Variants in CDH1 observed in about 807,000 individuals in gnomAD.
CDH1 encodes the protein cadherin 1.
In CDH1, 35 loss-of-function variants were observed where a neutral mutation model predicts 84.5. The ratio of observed to expected loss-of-function variants is 0.41; its 90% CI spans 0.32 to 0.55. The LOEUF (loss-of-function observed/expected upper bound fraction) is 0.55. Ranked by LOEUF, CDH1 falls within the 20% of genes least tolerant of loss-of-function variation. The pLI, the probability that CDH1 is intolerant of heterozygous loss-of-function variation, is 0.19. For synonymous variants in CDH1, 417 were observed against 439.0 expected, an observed-to-expected ratio of 0.95 and a Z score of 0.63; for missense variants, 994 against 1,126.6, an observed-to-expected ratio of 0.88 and a Z score of 1.68.
intron 2 of CDH1, among the ~76,000 whole-genome samples, chr16:68,756,505 A>T (rs988831852): frequency 6.6e-6 from 1 of 152,150 alleles, no homozygotes; most frequent in African/African-American, 2.4e-5. Context: ...CTTACTCATA[A>T]GTCCCAGGAG....
intron 2 of CDH1, among the ~76,000 whole-genome samples, chr16:68,777,057 T>C (rs1342987884): frequency 1.3e-5 from 2 of 152,204 alleles, no homozygotes; most frequent in African/African-American, 4.8e-5. Flanking sequence ...AAATGCAACA[T>C]TGGTGCCTCT....
At position 68,808,731 on chromosome 16, in the gene CDH1, C is replaced by T. The variant is rs761753486; in HGVS notation, c.570C>T (p.Tyr190=). 1.4e-5 allele frequency: 23 copies of T among 1,614,040 alleles called. No homozygotes were observed. The Admixed American group carries it at 3.7e-4, about 26-fold the overall frequency. The change falls in exon 5 of 16, where the codon TAC becomes TAT. Residue 190 remains tyrosine (Y), a synonymous_variant. Coordinates refer to ENST00000261769, the MANE Select transcript of CDH1 (RefSeq NM_004360.5). Reference sequence around the variant, plus strand: ...AAGACAAAGAAGGCAAGGTTTTCTACAGCATCACTGGCCAAGGAGCTGACA... The same window carrying T: ...AAGACAAAGAAGGCAAGGTTTTCTATAGCATCACTGGCCAAGGAGCTGACA... ...SNKDKEGKVF[Y]SITGQGADTP...
At position 68,737,584 on chromosome 16, in the gene CDH1, G is replaced by A. The variant is rs1005369635; in HGVS notation, c.48+121G>A. 5.4e-6 allele frequency: 5 copies of A among 929,742 alleles called. No individual in the cohort carries two copies. The African/African-American group carries it at 6.7e-5, about 12-fold the overall frequency. The allele number at this position is 929,742 out of a possible 1,614,324, so 57.6% of individuals were successfully genotyped here. On this transcript the variant is annotated intron_variant, in intron 1 of 15. Coordinates refer to ENST00000261769, the MANE Select transcript of CDH1 (RefSeq NM_004360.5). ...CTTCTTCCAAGAAAGTTCGGGTCCT[G>A]AGGAGCGGAGCGGCCTGGAAGCCTC...
intron 12 of CDH1, chr16:68,823,090 G>T: frequency 2.8e-6 from 1 of 351,124 alleles, no homozygotes; most frequent in South Asian, 3.2e-5. Context: ...TTCACCCTCA[G>T]GCACACGGGA....
chr16:68,761,964 G>T (rs1959233127), intron 2 of CDH1, among the ~76,000 whole-genome samples: 2 of 152,188 alleles, frequency 1.3e-5, no homozygotes, highest in South Asian at 4.1e-4. Flanking sequence ...AGATCCACCG[G>T]CTGCCTCCTC....
At chr16:68,760,111 T>C (rs1263852632) in intron 2 of CDH1, among the ~76,000 whole-genome samples, 20 of 147,858 alleles carry the variant, frequency 1.4e-4, no homozygotes, top group African/African-American at 4.2e-4. Context: ...TTAATTTTTT[T>C]TTTTTGAGAT....
rs59787912 is a variant in CDH1 at position 68,821,357 on chromosome 16, C to T, written c.1712-644C>T. On this transcript the variant is annotated intron_variant, in intron 11 of 15. Transcript: ENST00000261769. ...AAGCATGGTGGCATGCGCCTGTAGT[C>T]TCAGCTACTAGGGAGGCAGAGGTGG... Among the ~76,000 whole-genome samples the T allele has an allele frequency of 2.6e-5, 4 of 151,896 alleles. No individual in the cohort carries two copies. In the East Asian group the frequency reaches 7.7e-4, roughly 29 times the overall value.
chr16:68,754,428 A>G (rs76590542), intron 2 of CDH1, among the ~76,000 whole-genome samples: 7,356 of 152,216 alleles, frequency 0.048, 249 homozygotes, highest in Non-Finnish European at 0.073. Flanking sequence ...AAAGAAAAGT[A>G]TTTGTTGTTG....
chr16:68,799,618 G>T (rs905780757), intron 2 of CDH1, among the ~76,000 whole-genome samples: 4 of 152,034 alleles, frequency 2.6e-5, no homozygotes, highest in African/African-American at 9.7e-5. Context: ...ATTCAGGTTG[G>T]GGCTCCCTCT....
In CDH1 at chr16:68,829,680, G is replaced by A. The variant is rs150734856; in HGVS notation, c.2322G>A (p.Arg774=). The A allele has an allele frequency of 6.2e-6, 10 of 1,613,948 alleles. No individual in the cohort carries two copies. Among genetic ancestry groups the A allele is most frequent in the Non-Finnish European group, 8.5e-6 (10 of 1,180,024 alleles). Residue 774 remains arginine (R), a synonymous_variant, in exon 15 of 16, where the codon AGG becomes AGA. Coordinates refer to ENST00000261769, the MANE Select transcript of CDH1 (RefSeq NM_004360.5). ...DQDFDLSQLH[R]GLDARPEVTR... is the part of the protein sequence containing the mutation. ...ACTTTGACTTGAGCCAGCTGCACAG[G>A]GGCCTGGACGCTCGGCCTGAAGTGA...
chr16:68,793,987 G>T (rs1960284079), intron 2 of CDH1, among the ~76,000 whole-genome samples: 1 of 150,922 alleles, frequency 6.6e-6, no homozygotes, highest in Admixed American at 6.6e-5. Context: ...ACACAGGACT[G>T]CTCTATCTAA....
At chr16:68,743,194 A>G (rs887746424) in intron 2 of CDH1, among the ~76,000 whole-genome samples, 2 of 152,170 alleles carry the variant, frequency 1.3e-5, no homozygotes, top group African/African-American at 4.8e-5. Context: ...CAGATACGCC[A>G]GAGGCTGAAG....
At chr16:68,749,557 G>C (rs1173411515) in intron 2 of CDH1, among the ~76,000 whole-genome samples, 1 of 152,208 alleles carries the variant, frequency 6.6e-6, no homozygotes, top group Non-Finnish European at 1.5e-5. Context: ...ACAACTATTT[G>C]TGTCCATTTG....
intron 2 of CDH1, chr16:68,771,023 A>C (rs1801038732): frequency 6.6e-6 from 1 of 150,466 alleles, no homozygotes; most frequent in Non-Finnish European, 1.5e-5. Context: ...CCAGTGGAGG[A>C]GGCTCTCCCG....
At chr16:68,817,444 G>T (rs909575285) in intron 10 of CDH1, among the ~76,000 whole-genome samples, 1 of 152,222 alleles carries the variant, frequency 6.6e-6, no homozygotes, top group South Asian at 2.1e-4. Context: ...AATCCATTGG[G>T]TGAAAATTAG....
chr16:68,778,079 G>A (rs866480887), intron 2 of CDH1, among the ~76,000 whole-genome samples: 5 of 138,804 alleles, frequency 3.6e-5, no homozygotes, highest in Admixed American at 7.1e-5. Context: ...ACGGAATCTC[G>A]CTCTGTTGCC....
chr16:68,755,282 C>CAAATAAAA (rs1962989738), intron 2 of CDH1, among the ~76,000 whole-genome samples: 1 of 96,054 alleles, frequency 1.0e-5, no homozygotes, highest in Non-Finnish European at 2.1e-5. Flanking sequence ...GACTCTGTCT[C>CAAATAAAA]AAAAAAAAAA....
rs1555518221 is a variant in CDH1, at chr16:68,833,320, G to GC, written c.2474dup (p.Pro826AlafsTer3). The GC allele has an allele frequency of 6.2e-7, 1 of 1,614,148 alleles. No homozygotes were observed. The highest frequency in any genetic ancestry group is 8.5e-7 in the Non-Finnish European group (1 of 1,180,036). On this transcript the variant is annotated frameshift_variant, in exon 16 of 16. Coordinates refer to ENST00000261769, the MANE Select transcript of CDH1 (RefSeq NM_004360.5). LOFTEE classifies it high-confidence loss of function. ...GAAAGCGGCTGATACTGACCCCACA[G>GC]CCCCGCCTTATGATTCTCTGCTCGT...
intron 2 of CDH1, among the ~76,000 whole-genome samples, chr16:68,781,944 A>G (rs1044476285): frequency 3.9e-5 from 6 of 152,180 alleles, no homozygotes; most frequent in African/African-American, 2.4e-5. Flanking sequence ...CTCACTGCTA[A>G]GGCCTCAAGG....
Sources: allele counts gnomAD v4.1 joint callset (sites outside exome capture counted in the v4.1 genomes callset), GRCh38; gene constraint gnomAD v4.1.1; transcripts MANE v1.5; gene names NCBI Gene and HGNC (gene_info 2026-07-23, HGNC 2026-07-21).